The following MIR2052HG variants were observed in gnomAD, a reference collection of about 807,000 sequenced individuals.
MIR2052HG encodes the protein MIR2052 host gene.
intron 1 of MIR2052HG, among the ~76,000 whole-genome samples, chr8:74,604,944 T>C (rs939032412): frequency 6.6e-6 from 1 of 151,400 alleles, no homozygotes; most frequent in African/African-American, 2.4e-5. Flanking sequence ...TGTGAGCTCA[T>C]CCTGAATTTC....
At chr8:74,601,047 G>A (rs1041612109) in intron 1 of MIR2052HG, among the ~76,000 whole-genome samples, 1 of 152,188 alleles carries the variant, frequency 6.6e-6, no homozygotes. Context: ...TTTGATTATA[G>A]TACAGGATTT....
intron 2 of MIR2052HG, among the ~76,000 whole-genome samples, chr8:74,699,697 G>A (rs974993101): frequency 1.3e-5 from 2 of 151,926 alleles, no homozygotes; most frequent in African/African-American, 2.4e-5. Flanking sequence ...CACACTGTTC[G>A]GGTCACGGGT....
At chr8:74,644,882 C>A (rs958236591) in intron 2 of MIR2052HG, among the ~76,000 whole-genome samples, 2 of 151,808 alleles carry the variant, frequency 1.3e-5, no homozygotes, top group South Asian at 2.1e-4. Flanking sequence ...GAGAACAAGA[C>A]CCTGGCTCAA....
intron 4 of MIR2052HG, among the ~76,000 whole-genome samples, chr8:74,719,926 C>A (rs1343492860): frequency 7.0e-6 from 1 of 143,838 alleles, no homozygotes; most frequent in Non-Finnish European, 1.5e-5. Context: ...CGGCTCACTG[C>A]AGCCTCCGCC....
At chr8:74,642,938 A>C (rs1422190689) in intron 2 of MIR2052HG, among the ~76,000 whole-genome samples, 1 of 152,202 alleles carries the variant, frequency 6.6e-6, no homozygotes, top group Non-Finnish European at 1.5e-5. Flanking sequence ...TCAGACAGGT[A>C]GAAATAGTTT....
At chr8:74,622,059 T>C (rs1808369246) in intron 2 of MIR2052HG, among the ~76,000 whole-genome samples, 1 of 152,194 alleles carries the variant, frequency 6.6e-6, no homozygotes, top group Middle Eastern at 3.4e-3. Flanking sequence ...AACGGGATTA[T>C]ATCAATCCAA....
At chr8:74,688,154 A>C (rs750841789) in intron 2 of MIR2052HG, among the ~76,000 whole-genome samples, 9 of 152,206 alleles carry the variant, frequency 5.9e-5, no homozygotes, top group Admixed American at 2.0e-4. Flanking sequence ...GCAATCTTAT[A>C]ACAGAATGAG....
At chr8:74,646,753 C>T (rs1808692930) in intron 2 of MIR2052HG, among the ~76,000 whole-genome samples, 1 of 151,926 alleles carries the variant, frequency 6.6e-6, no homozygotes, top group South Asian at 2.1e-4. Flanking sequence ...CCCTGTAAGA[C>T]CCTTTCTATA....
chr8:74,709,441 T>C (rs528883681), intron 4 of MIR2052HG, among the ~76,000 whole-genome samples: 2 of 152,012 alleles, frequency 1.3e-5, no homozygotes, highest in African/African-American at 4.8e-5. Context: ...TTTTTTTTGA[T>C]TGGGGGAGGA....
chr8:74,737,140 G>A (rs1402518610), intron 4 of MIR2052HG, among the ~76,000 whole-genome samples: 6 of 152,170 alleles, frequency 3.9e-5, no homozygotes, highest in African/African-American at 1.4e-4. Flanking sequence ...GTATAACTTT[G>A]TAACTTCACC....
At chr8:74,603,714 C>A (rs1808060536) in intron 1 of MIR2052HG, 2 of 910,162 alleles carry the variant, frequency 2.2e-6, no homozygotes, top group Non-Finnish European at 3.7e-6. Flanking sequence ...TGAGCTGGTA[C>A]GGGATGGTCA....
chr8:74,649,529 A>G (rs2128735991), intron 2 of MIR2052HG, among the ~76,000 whole-genome samples: 1 of 151,522 alleles, frequency 6.6e-6, no homozygotes, highest in African/African-American at 2.4e-5. Flanking sequence ...ATATATACCT[A>G]CATATATATA....
At chr8:74,618,474 A>C (rs1406795781) in intron 2 of MIR2052HG, among the ~76,000 whole-genome samples, 1 of 152,160 alleles carries the variant, frequency 6.6e-6, no homozygotes, top group African/African-American at 2.4e-5. Flanking sequence ...GCCGGAAGGG[A>C]GGGGGCTTAT....
At chr8:74,611,035 G>A (rs1021675314) in intron 1 of MIR2052HG, among the ~76,000 whole-genome samples, 6 of 152,020 alleles carry the variant, frequency 3.9e-5, no homozygotes, top group Non-Finnish European at 8.8e-5. Flanking sequence ...TATTAAGAGA[G>A]TGAAAGATAA....
At chr8:74,610,083 C>T (rs1023144567) in intron 1 of MIR2052HG, 26 of 151,734 alleles carry the variant, frequency 1.7e-4, no homozygotes, top group Non-Finnish European at 4.4e-5. Flanking sequence ...ATCATCTCAG[C>T]TTACATCTGT....
chr8:74,658,803 A>G (rs1472507084), intron 2 of MIR2052HG, among the ~76,000 whole-genome samples: 3 of 152,220 alleles, frequency 2.0e-5, no homozygotes, highest in Non-Finnish European at 4.4e-5. Flanking sequence ...GATTAAAGGC[A>G]AACAGAATCT....
intron 2 of MIR2052HG, among the ~76,000 whole-genome samples, chr8:74,624,451 T>C (rs1563516119): frequency 1.3e-5 from 2 of 152,230 alleles, no homozygotes; most frequent in Admixed American, 6.5e-5. Flanking sequence ...AATGAAGCAT[T>C]TGCTTATAAT....
At position 74,700,364 on chromosome 8, in the gene MIR2052HG, G is replaced by A. The variant is rs77426092; in HGVS notation, n.217-2015G>A. On this transcript the variant is annotated intron_variant and non_coding_transcript_variant, in intron 2 of 6. Coordinates refer to ENST00000523442, the Ensembl canonical transcript of MIR2052HG. ...GGAAATCATCTACGATGTGTGAAACGCCATGTTCAATGCTCTAAACCAGTG... is the reference window on the plus strand; with the variant it reads ...GGAAATCATCTACGATGTGTGAAACACCATGTTCAATGCTCTAAACCAGTG... 7.0e-3 allele frequency among the ~76,000 whole-genome samples: 1,060 copies of A among 152,194 alleles called. 9 individuals are homozygous for A. Among genetic ancestry groups the A allele is most frequent in the African/African-American group, 0.024 (1,017 of 41,532 alleles).
At chr8:74,659,376 G>A (rs1317365322) in intron 2 of MIR2052HG, among the ~76,000 whole-genome samples, 1 of 152,154 alleles carries the variant, frequency 6.6e-6, no homozygotes, top group Admixed American at 6.5e-5. Flanking sequence ...AAAATAAAGT[G>A]TATAGTTGAA....
Sources: gnomAD v4.1 joint callset for allele counts (sites outside exome capture counted in the v4.1 genomes callset) on GRCh38, gnomAD v4.1.1 for gene constraint, MANE v1.5 for transcripts, NCBI Gene and HGNC (gene_info 2026-07-23, HGNC 2026-07-21) for gene names.